Variants in CWF19L2 observed in about 807,000 individuals in gnomAD.
CWF19L2 encodes CWF19 like cell cycle control factor 2.
In CWF19L2, 98 loss-of-function variants were observed where a neutral mutation model predicts 111.7. The ratio of observed to expected loss-of-function variants is 0.88; its 90% CI spans 0.75 to 1.04. The LOEUF is 1.04. CWF19L2 is among the 50% of genes least tolerant of loss of function. CWF19L2 has a pLI of 0.00. For synonymous variants in CWF19L2, 351 were observed against 342.9 expected (o/e 1.02, Z -0.26); for missense variants, 1,101 against 1,051.4 (o/e 1.05, Z -0.65).
chr11:107,426,733 T>C (rs1861383521), intron 8 of CWF19L2, among the ~76,000 whole-genome samples: 2 of 151,740 alleles, frequency 1.3e-5, no homozygotes, highest in South Asian at 4.1e-4. Flanking sequence ...GGTATATGCA[T>C]TGTAGAGCTA....
chr11:107,404,571 A>G, intron 10 of CWF19L2: 3 of 638,200 alleles, frequency 4.7e-6, no homozygotes, highest in Non-Finnish European at 8.7e-6. Context: ...GGTGGGGCAT[A>G]AGATGGTCTT....
intron 8 of CWF19L2, among the ~76,000 whole-genome samples, chr11:107,418,935 T>A (rs1479535204): frequency 6.6e-6 from 1 of 152,046 alleles, no homozygotes; most frequent in Non-Finnish European, 1.5e-5. Flanking sequence ...TCAGTCAGAG[T>A]CTGAAGGATT....
At chr11:107,403,379 C>T (rs1345110474) in intron 10 of CWF19L2, 10 of 696,674 alleles carry the variant, frequency 1.4e-5, no homozygotes, top group Non-Finnish European at 1.8e-5. Flanking sequence ...CTATTTAGAA[C>T]ACATAAAACA....
At chr11:107,442,803 G>GGAGA in intron 4 of CWF19L2, 136 bp downstream of exon 4, 1 of 377,762 alleles carries the variant, frequency 2.6e-6, no homozygotes, top group Non-Finnish European at 4.6e-6. Flanking sequence ...AGGGAGGGAG[G>GGAGA]GAGGGAGGGA....
chr11:107,385,765 C>G (rs1401167254), intron 12 of CWF19L2, among the ~76,000 whole-genome samples: 8 of 152,236 alleles, frequency 5.3e-5, no homozygotes, highest in African/African-American at 1.9e-4. Context: ...CCATCCCCCC[C>G]AGGGGACATG....
At chr11:107,437,002 G>A (rs1302004325) in intron 6 of CWF19L2, among the ~76,000 whole-genome samples, 1 of 151,924 alleles carries the variant, frequency 6.6e-6, no homozygotes, top group Non-Finnish European at 1.5e-5. Flanking sequence ...ATTTTGTATG[G>A]GCTCTGAAAA....
At chr11:107,409,307 GTTTA>G (rs1455745055) in intron 10 of CWF19L2, among the ~76,000 whole-genome samples, 4 of 152,020 alleles carry the variant, frequency 2.6e-5, no homozygotes, top group African/African-American at 9.7e-5. Flanking sequence ...GAATGTATCT[GTTTA>G]TTTATTAATG....
intron 10 of CWF19L2, chr11:107,404,419 A>C: frequency 5.1e-6 from 4 of 778,892 alleles, no homozygotes. Context: ...TTGGAATTAT[A>C]GTACCAGAGG....
chr11:107,339,235 T>C (rs996877192), intron 14 of CWF19L2, among the ~76,000 whole-genome samples: 2 of 152,200 alleles, frequency 1.3e-5, no homozygotes, highest in African/African-American at 4.8e-5. Context: ...CCATACACCT[T>C]TACAGAATAT....
chr11:107,370,537 G>A (rs1565257015), intron 12 of CWF19L2, among the ~76,000 whole-genome samples: 1 of 68,892 alleles, frequency 1.5e-5, no homozygotes. Context: ...ATAAGTGATT[G>A]TTTCTTCAAG....
chr11:107,387,921 G>A (rs986668517), intron 12 of CWF19L2, among the ~76,000 whole-genome samples: 1 of 152,110 alleles, frequency 6.6e-6, no homozygotes, highest in Non-Finnish European at 1.5e-5. Flanking sequence ...TCTGACTTAT[G>A]TCTCCTATCT....
intron 16 of CWF19L2, among the ~76,000 whole-genome samples, chr11:107,331,840 G>A (rs1028260973): frequency 2.6e-5 from 4 of 152,146 alleles, no homozygotes; most frequent in African/African-American, 9.7e-5. Flanking sequence ...TTCTCTCCCT[G>A]CAGGCTGCAA....
chr11:107,428,323 C>T (rs1474882450), intron 8 of CWF19L2, among the ~76,000 whole-genome samples: 1 of 152,032 alleles, frequency 6.6e-6, no homozygotes, highest in Non-Finnish European at 1.5e-5. Flanking sequence ...AATTCATGCT[C>T]CCCTCTGCAA....
At chr11:107,332,731 G>A (rs552780763) in intron 16 of CWF19L2, among the ~76,000 whole-genome samples, 1 of 152,014 alleles carries the variant, frequency 6.6e-6, no homozygotes, top group Admixed American at 6.6e-5. Context: ...AAAGATAATG[G>A]AAAGTTTATT....
At chr11:107,444,859 A>C (rs940687662) in intron 3 of CWF19L2, among the ~76,000 whole-genome samples, 2 of 152,134 alleles carry the variant, frequency 1.3e-5, no homozygotes, top group Non-Finnish European at 2.9e-5. Flanking sequence ...ATATTTATTA[A>C]ATATACCATA....
chr11:107,380,678 G>C (rs1274642333), intron 12 of CWF19L2, among the ~76,000 whole-genome samples: 1 of 152,142 alleles, frequency 6.6e-6, no homozygotes, highest in Non-Finnish European at 1.5e-5. Flanking sequence ...TCCTCAAAAA[G>C]TCAAACATAG....
chr11:107,330,522 C>T (rs1355498945), intron 16 of CWF19L2, among the ~76,000 whole-genome samples: 1 of 151,812 alleles, frequency 6.6e-6, no homozygotes, highest in Non-Finnish European at 1.5e-5. Context: ...TACAGCAACA[C>T]TTAGTTTACC....
At chr11:107,329,160 A>G (rs983828196) in intron 17 of CWF19L2, among the ~76,000 whole-genome samples, 1 of 152,174 alleles carries the variant, frequency 6.6e-6, no homozygotes, top group Non-Finnish European at 1.5e-5. Context: ...ATACTAGATT[A>G]AAGGCTCACT....
At chr11:107,453,312 A>C (rs1484140229) in intron 3 of CWF19L2, among the ~76,000 whole-genome samples, 2 of 152,106 alleles carry the variant, frequency 1.3e-5, no homozygotes, top group Non-Finnish European at 2.9e-5. Flanking sequence ...GAGCCAATGG[A>C]CAGGTGGTTG....
Sources: allele counts gnomAD v4.1 joint callset (sites outside exome capture counted in the v4.1 genomes callset), GRCh38; gene constraint gnomAD v4.1.1; transcripts MANE v1.5; gene names NCBI Gene and HGNC (gene_info 2026-07-23, HGNC 2026-07-21).